Variants in RYR3 observed in about 807,000 individuals in gnomAD.
RYR3 encodes brain ryanodine receptor-calcium release channel.
A neutral mutation model predicts 584.3 loss-of-function variants in RYR3; 207 were observed. That is an observed-to-expected ratio of 0.35 (90% CI 0.32 to 0.40). The LOEUF (loss-of-function observed/expected upper bound fraction) is 0.40, where lower values mean the gene tolerates loss of function less well. Ranked by LOEUF, RYR3 falls within the 10% of genes least tolerant of loss-of-function variation. The probability of loss-of-function intolerance (pLI) is 1.00; values close to 1 mark genes in which losing one functional copy is unlikely to be tolerated. For missense variants in RYR3, 5,616 were observed against 6,089.2 expected, an observed-to-expected ratio of 0.92 and a Z score of 2.59; for synonymous variants, 2,416 against 2,248.5, an observed-to-expected ratio of 1.07 and a Z score of -2.11.
At chr15:33,322,093 A>G (rs527511526) in intron 1 of RYR3, among the ~76,000 whole-genome samples, 1 of 152,236 alleles carries the variant, frequency 6.6e-6, no homozygotes, top group Admixed American at 6.5e-5. Flanking sequence ...TGCTATGAAG[A>G]TGTCACACAT....
intron 2 of RYR3, among the ~76,000 whole-genome samples, chr15:33,486,669 A>C (rs1472054197): frequency 1.3e-5 from 2 of 152,312 alleles, no homozygotes; most frequent in South Asian, 2.1e-4. Flanking sequence ...AGGGGAGTAG[A>C]GGGTGATGTT....
At chr15:33,417,880 G>A (rs111833074) in intron 1 of RYR3, among the ~76,000 whole-genome samples, 12 of 152,106 alleles carry the variant, frequency 7.9e-5, no homozygotes, top group African/African-American at 2.7e-4. Flanking sequence ...TTTGTTGAGG[G>A]TTTTTATCAT....
At chr15:33,478,562 C>T (rs2572184) in intron 2 of RYR3, among the ~76,000 whole-genome samples, 90,925 of 151,986 alleles carry the variant, frequency 0.6, 27,967 homozygotes, top group African/African-American at 0.75. Context: ...AGCAATGTAC[C>T]CTGGTAACAT....
intron 39 of RYR3, among the ~76,000 whole-genome samples, chr15:33,697,238 C>A (rs1485149405): frequency 6.6e-6 from 1 of 152,222 alleles, no homozygotes; most frequent in African/African-American, 2.4e-5. Context: ...GAAATGCACT[C>A]ATTCGTCAAA....
intron 1 of RYR3, among the ~76,000 whole-genome samples, chr15:33,358,267 G>A (rs1403441869): frequency 6.6e-6 from 1 of 152,114 alleles, no homozygotes; most frequent in Admixed American, 6.5e-5. Context: ...TGCTTAGTGG[G>A]GTGCAGGGTC....
chr15:33,644,305 C>T lies in RYR3; in HGVS notation c.3557-6C>T, dbSNP rs1303912355. 2 of 1,605,356 alleles carry T rather than the reference C, an allele frequency of 1.2e-6. No individual in the cohort carries two copies. Among genetic ancestry groups the T allele is most frequent in the Non-Finnish European group, 1.7e-6 (2 of 1,175,850 alleles). On this transcript the variant is annotated splice_polypyrimidine_tract_variant and splice_region_variant and intron_variant, in intron 27 of 103. Transcript: ENST00000634891. Reference sequence around the variant, plus strand: ...GCTAAAGCAGGTCTCTCTAACTCTTCTGCAGGCTTCGTGCCCATCTGCTGT... The same window carrying T: ...GCTAAAGCAGGTCTCTCTAACTCTTTTGCAGGCTTCGTGCCCATCTGCTGT...
chr15:33,819,702 A>AT, intron 76 of RYR3, 54 bp from the exon 77 acceptor site: 1 of 963,244 alleles, frequency 1.0e-6, no homozygotes, highest in Non-Finnish European at 1.4e-6. Flanking sequence ...AAATAAATAA[A>AT]TAAATAAATA....
intron 1 of RYR3, among the ~76,000 whole-genome samples, chr15:33,434,354 A>G (rs935254907): frequency 1.3e-5 from 2 of 152,096 alleles, no homozygotes; most frequent in South Asian, 4.2e-4. Context: ...TATAGTTTGT[A>G]TTAGCTGCAA....
At chr15:33,609,826 C>A (rs957164563) in intron 18 of RYR3, among the ~76,000 whole-genome samples, 2 of 151,992 alleles carry the variant, frequency 1.3e-5, no homozygotes, top group African/African-American at 4.8e-5. Flanking sequence ...AAGAAAAGAT[C>A]CTGGGACCTT....
chr15:33,443,722 A>G (rs1233309398), intron 1 of RYR3, among the ~76,000 whole-genome samples: 3 of 152,180 alleles, frequency 2.0e-5, no homozygotes, highest in Non-Finnish European at 4.4e-5. Context: ...AAATGGGCCC[A>G]CTTTGCTCAC....
intron 102 of RYR3, among the ~76,000 whole-genome samples, chr15:33,863,842 A>AT (rs1446852337): frequency 6.6e-6 from 1 of 152,176 alleles, no homozygotes; most frequent in East Asian, 1.9e-4. Flanking sequence ...TTTTATTAGA[A>AT]TTTTGTTAAC....
chr15:33,515,256 C>T (rs1395922042), intron 3 of RYR3, among the ~76,000 whole-genome samples: 1 of 152,192 alleles, frequency 6.6e-6, no homozygotes, highest in Non-Finnish European at 1.5e-5. Context: ...TCTAAACCAT[C>T]GAAGCCACAA....
chr15:33,505,286 A>T (rs1189197638), intron 3 of RYR3, among the ~76,000 whole-genome samples: 1 of 152,260 alleles, frequency 6.6e-6, no homozygotes, highest in East Asian at 1.9e-4. Context: ...TTAATACCAA[A>T]TATTTGTGTT....
chr15:33,861,891 A>G (rs971892721), intron 102 of RYR3, among the ~76,000 whole-genome samples: 2 of 151,974 alleles, frequency 1.3e-5, no homozygotes, highest in African/African-American at 4.8e-5. Flanking sequence ...TCTCAGTGCT[A>G]GGATTACAGG....
At chr15:33,436,166 G>A (rs2045711349) in intron 1 of RYR3, among the ~76,000 whole-genome samples, 1 of 152,102 alleles carries the variant, frequency 6.6e-6, no homozygotes, top group Non-Finnish European at 1.5e-5. Context: ...GTTCATTTGA[G>A]TTGTCATTGC....
At chr15:33,713,336 G>T (rs1299961734) in intron 43 of RYR3, among the ~76,000 whole-genome samples, 1 of 151,940 alleles carries the variant, frequency 6.6e-6, no homozygotes, top group Non-Finnish European at 1.5e-5. Context: ...ATGATAGTTG[G>T]TCAGTGGTTA....
At chr15:33,840,758 G>A in intron 89 of RYR3, 67 bp from the exon 90 acceptor site, 2 of 1,492,640 alleles carry the variant, frequency 1.3e-6, no homozygotes, top group African/African-American at 2.7e-5. Context: ...AAATGGCCAA[G>A]AAAATGTCTC....
intron 72 of RYR3, among the ~76,000 whole-genome samples, chr15:33,812,139 G>A (rs1178278753): frequency 6.6e-6 from 1 of 152,086 alleles, no homozygotes; most frequent in Non-Finnish European, 1.5e-5. Context: ...CTTCCATAAA[G>A]TTAGCCTTGA....
intron 98 of RYR3, among the ~76,000 whole-genome samples, chr15:33,855,166 G>C (rs1242273728): frequency 2.0e-5 from 3 of 151,990 alleles, no homozygotes; most frequent in Admixed American, 2.0e-4. Context: ...CCAGGAGAGG[G>C]AGGGAGGTGA....
Sources: gnomAD v4.1 joint callset for allele counts (sites outside exome capture counted in the v4.1 genomes callset) on GRCh38, gnomAD v4.1.1 for gene constraint, MANE v1.5 for transcripts, NCBI Gene and HGNC (gene_info 2026-07-23, HGNC 2026-07-21) for gene names.